Variants in PPL observed in about 807,000 individuals in gnomAD.
PPL encodes periplakin.
PPL carries 198 observed loss-of-function variants against 194.4 expected under a neutral mutation model. The observed-to-expected ratio is 1.02, with a 90% CI of 0.91 to 1.15. The LOEUF is 1.15. Ranked by LOEUF, PPL falls within the 50% of genes most tolerant of loss-of-function variation. PPL has a pLI of 0.00. For synonymous variants in PPL, 1,220 were observed against 972.4 expected, an observed-to-expected ratio of 1.25 and a Z score of -4.74; for missense variants, 2,885 against 2,294.8, an observed-to-expected ratio of 1.26 and a Z score of -5.25.
At chr16:4,917,846 G>T (rs951321959) in intron 1 of PPL, among the ~76,000 whole-genome samples, 1 of 152,102 alleles carries the variant, frequency 6.6e-6, no homozygotes, top group African/African-American at 2.4e-5. Flanking sequence ...AGGCTGCAGT[G>T]AGCCGAGATT....
intron 10 of PPL, 70 bp downstream of exon 10, chr16:4,895,524 C>A (rs112448132): frequency 5.6e-6 from 9 of 1,610,282 alleles, no homozygotes; most frequent in African/African-American, 2.7e-5. Flanking sequence ...CTGTACAGGG[C>A]TGAGGGCAGG....
chr16:4,900,765 C>A, intron 6 of PPL, 65 bp downstream of exon 6: 2 of 1,605,252 alleles, frequency 1.2e-6, no homozygotes, highest in Non-Finnish European at 1.7e-6. Flanking sequence ...ATCCTTGTCC[C>A]CCCGACTCCA....
intron 2 of PPL, among the ~76,000 whole-genome samples, chr16:4,907,254 C>A (rs1375924898): frequency 6.7e-6 from 1 of 148,944 alleles, no homozygotes; most frequent in Non-Finnish European, 1.5e-5. Flanking sequence ...AGAGCAAGAC[C>A]CTGTCTCAAT....
chr16:4,925,645 A>G (rs2089142376), intron 1 of PPL, among the ~76,000 whole-genome samples: 2 of 152,186 alleles, frequency 1.3e-5, no homozygotes, highest in African/African-American at 2.4e-5. Context: ...TTTTAATGCA[A>G]TTCGGTAACT....
chr16:4,933,290 C>T (rs994197638), intron 1 of PPL, among the ~76,000 whole-genome samples: 6 of 152,280 alleles, frequency 3.9e-5, no homozygotes, highest in East Asian at 3.9e-4. Flanking sequence ...CATGCAGGAG[C>T]GCTCCATCAG....
rs1426196517 is a variant in PPL at position 4,893,554 on chromosome 16, G to A, written c.1479C>T (p.Thr493=). The change falls in exon 13 of 22, where the codon ACC becomes ACT. Residue 493 remains threonine, a synonymous_variant. Transcript: ENST00000345988. ...CCTGGCACCCACCTCCGGGATTCTC[G>A]GTCTTCAGCACCTCATACCGCTGCT... The part of the protein sequence containing the change: ...TLQQRYEVLK[T]ENPGDASDLQ... The A allele has an allele frequency of 4.3e-6, 7 of 1,612,496 alleles. No homozygotes were observed. Among genetic ancestry groups the A allele is most frequent in the Middle Eastern group, 1.7e-4 (1 of 6,058 alleles).
At position 4,910,349 on chromosome 16, in the gene PPL, T is replaced by C. The variant is rs75417614; in HGVS notation, c.162+501A>G. Among the ~76,000 whole-genome samples, 254 of 152,314 alleles carry C rather than the reference T, an allele frequency of 1.7e-3. 7 individuals carry two copies. The East Asian group carries it at 0.045, about 27-fold the overall frequency. On this transcript the variant is annotated intron_variant, in intron 2 of 21. Coordinates refer to ENST00000345988, the MANE Select transcript of PPL (RefSeq NM_002705.5). ...TACCTGCATAATCTCATTTAATCTTTACAACCACCCCGCCAAATGGGAACC... is the reference window on the plus strand; with the variant it reads ...TACCTGCATAATCTCATTTAATCTTCACAACCACCCCGCCAAATGGGAACC...
In PPL at chr16:4,884,397, C is replaced by T; in HGVS notation, c.4258G>A (p.Val1420Ile). ...RQARREAERE[V>I]QRLQQRLAAL... ...GCCAGCCGCTGCTGCAACCGCTGTA[C>T]CTCGCGCTCGGCCTCCCTGCGGGCC... Residue 1420 changes from valine to isoleucine, a missense_variant, in exon 22 of 22, where the codon GTA becomes ATA. By Grantham distance (29) the Val-to-Ile change is conservative. Transcript: ENST00000345988. This position sits in a 1 kb window ranked among gnomAD's most constrained non-coding sequence, Gnocchi z 5.7. The T allele has an allele frequency of 1.2e-6, 2 of 1,609,306 alleles. No homozygotes were observed. The highest frequency in any genetic ancestry group is 1.7e-6 in the Non-Finnish European group (2 of 1,179,136).
intron 8 of PPL, among the ~76,000 whole-genome samples, chr16:4,898,576 T>C (rs936856437): frequency 6.6e-6 from 1 of 152,064 alleles, no homozygotes; most frequent in Non-Finnish European, 1.5e-5. Flanking sequence ...GGGACTGGAA[T>C]GATGCAGCCA....
At position 4,934,156 on chromosome 16, in the gene PPL, ACT is replaced by A. The variant is rs573303458; in HGVS notation, c.62+2826_62+2827del. On this transcript the variant is annotated intron_variant, in intron 1 of 21. Transcript: ENST00000345988. ...TCGGTCACCTGCACCATCTGGCCTG[ACT>A]CTGTCATTAGCTCAGGTGTGAACAT... Among the ~76,000 whole-genome samples the A allele has an allele frequency of 3.8e-3, 580 of 152,108 alleles. 3 individuals are homozygous for A. Among genetic ancestry groups the A allele is most frequent in the Non-Finnish European group, 5.6e-3 (380 of 67,986 alleles).
At chr16:4,896,387 T>C (rs528898972) in intron 9 of PPL, among the ~76,000 whole-genome samples, 1 of 152,262 alleles carries the variant, frequency 6.6e-6, no homozygotes, top group South Asian at 2.1e-4. Context: ...TACAATAGGA[T>C]ATGATTCAGC....
In PPL at chr16:4,884,698, C is replaced by T. The variant is rs377146170; in HGVS notation, c.3957G>A (p.Gln1319=). 1.9e-6 allele frequency: 3 copies of T among 1,614,054 alleles called. No homozygotes were observed. Among genetic ancestry groups the T allele is most frequent in the South Asian group, 2.2e-5 (2 of 91,082 alleles). Reference sequence around the variant, plus strand: ...CCCTCTCCAGATCCACTTGTTTCTTCTGCTCCTCTGAGAGCTTTGCCCTCA... The same window carrying T: ...CCCTCTCCAGATCCACTTGTTTCTTTTGCTCCTCTGAGAGCTTTGCCCTCA... ...ASLRAKLSEE[Q]KKQVDLERER... is the part of the protein sequence containing the mutation. The change falls in exon 22 of 22, where the codon CAG becomes CAA. Residue 1319 remains glutamine (Q), a synonymous_variant. Coordinates refer to ENST00000345988, the MANE Select transcript of PPL (RefSeq NM_002705.5). This position sits in a 1 kb window ranked among gnomAD's most constrained non-coding sequence, Gnocchi z 5.7.
At position 4,883,374 on chromosome 16, in the gene PPL, A is replaced by G; in HGVS notation, c.*10T>C. The G allele has an allele frequency of 6.2e-7, 1 of 1,613,610 alleles. No individual in the cohort carries two copies. Among genetic ancestry groups the G allele is most frequent in the Non-Finnish European group, 8.5e-7 (1 of 1,179,928 alleles). ...GCGTCTGCCGTTACGAAGAGTTGCAAGAGCTGTGCCTACTTCTGCCCAGAT... is the reference window on the plus strand; with the variant it reads ...GCGTCTGCCGTTACGAAGAGTTGCAGGAGCTGTGCCTACTTCTGCCCAGAT... On this transcript the variant is annotated 3_prime_UTR_variant, in exon 22 of 22. Transcript: ENST00000345988. The surrounding 1 kb of genome is among the most constrained non-coding windows in gnomAD (Gnocchi z 4.8).
chr16:4,887,064 T>C, intron 21 of PPL, 71 bp downstream of exon 21: 1 of 1,287,346 alleles, frequency 7.8e-7, no homozygotes, highest in Non-Finnish European at 1.1e-6. Flanking sequence ...AAACCATTTC[T>C]CTAAGACAGA....
In PPL at chr16:4,893,723, C is replaced by G. The variant is rs980435693; in HGVS notation, c.1395-85G>C. The G allele has an allele frequency of 1.0e-5, 12 of 1,158,700 alleles. No individual in the cohort carries two copies. In the African/African-American group the frequency reaches 1.7e-4, roughly 16 times the overall value. The allele number at this position is 1,158,700 out of a possible 1,614,324, so 71.8% of individuals were successfully genotyped here. A position where few individuals can be genotyped will look rare whatever the true frequency, so the allele number is the denominator to read the frequency against. The stretch of plus-strand genomic sequence containing the variant: ...GGCGGGACTGCGGACTCTGGCTGGG[C>G]AGACACCCCAGAGGAGCCTGACAGC... On this transcript the variant is annotated intron_variant, in intron 12 of 21. Coordinates refer to ENST00000345988, the MANE Select transcript of PPL (RefSeq NM_002705.5).
At chr16:4,911,251 T>C (rs529073363) in intron 1 of PPL, among the ~76,000 whole-genome samples, 3 of 148,092 alleles carry the variant, frequency 2.0e-5, no homozygotes, top group Non-Finnish European at 3.0e-5. Context: ...AACCTCCACT[T>C]CCTGGGTTCA....
intron 2 of PPL, among the ~76,000 whole-genome samples, chr16:4,908,606 C>G (rs1426302998): frequency 6.6e-6 from 1 of 152,154 alleles, no homozygotes; most frequent in African/African-American, 2.4e-5. Context: ...GGTGTCATCT[C>G]TGCTCACTGC....
At chr16:4,897,124 C>T (rs2088445864) in intron 9 of PPL, among the ~76,000 whole-genome samples, 1 of 151,566 alleles carries the variant, frequency 6.6e-6, no homozygotes, top group African/African-American at 2.4e-5. Context: ...CACCTGAGGT[C>T]AGGAGTTCGA....
chr16:4,889,243 T>TG (rs1567992809), intron 18 of PPL, among the ~76,000 whole-genome samples, 182 bp from the exon 19 acceptor site: 1,467 of 20,388 alleles, frequency 0.072, 203 homozygotes, highest in Middle Eastern at 0.094. Context: ...TTGTTGTTGT[T>TG]TTTTTTTTTT....
Sources: gnomAD v4.1 joint callset for allele counts (sites outside exome capture counted in the v4.1 genomes callset) on GRCh38, gnomAD v4.1.1 for gene constraint, Gnocchi (gnomAD v3.1) non-coding constraint, MANE v1.5 for transcripts, NCBI Gene and HGNC (gene_info 2026-07-23, HGNC 2026-07-21) for gene names.